Variants in MIB2 observed in about 807,000 individuals in gnomAD.
MIB2 encodes the protein MIB E3 ubiquitin protein ligase 2.
In MIB2, 78 loss-of-function variants were observed where a neutral mutation model predicts 96.6. That is an observed-to-expected ratio of 0.81 (90% CI 0.67 to 0.97). The LOEUF (loss-of-function observed/expected upper bound fraction) is 0.97, where lower values mean the gene tolerates loss of function less well. Ranked by LOEUF, MIB2 falls within the 50% of genes least tolerant of loss-of-function variation. The probability of loss-of-function intolerance (pLI) is 0.00; values close to 1 mark genes in which losing one functional copy is unlikely to be tolerated. For synonymous variants in MIB2, 820 were observed against 629.5 expected, an observed-to-expected ratio of 1.30 and a Z score of -4.53; for missense variants, 1,543 against 1,424.0, an observed-to-expected ratio of 1.08 and a Z score of -1.35.
In MIB2 at chr1:1,626,987, C is replaced by G; in HGVS notation, c.1228C>G (p.Arg410Gly). 1.2e-6 allele frequency: 2 copies of G among 1,611,296 alleles called. No individual in the cohort carries two copies. The highest frequency in any genetic ancestry group is 1.7e-4 in the Middle Eastern group (1 of 6,058). The change falls in exon 10 of 20, where the codon CGG becomes GGG. Residue 410 changes from arginine to glycine, a missense_variant. Arg to Gly is a moderately radical substitution (Grantham distance 125). Coordinates refer to ENST00000355826, the MANE Select transcript of MIB2 (RefSeq NM_001170687.4). This position sits in a 1 kb window ranked among gnomAD's most constrained non-coding sequence, Gnocchi z 5.3. Reference protein sequence around the residue: ...DANLDVAERARENKSSLSVAL... With the variant: ...DANLDVAERAGENKSSLSVAL... ...CAACCTGGACGTGGCCGAGCGCGCC[C>G]GGGAGAACAAAAGTGCGGCACAGCT...
At chr1:1,621,819 C>G (rs1286066059) in intron 2 of MIB2, among the ~76,000 whole-genome samples, 2 of 152,230 alleles carry the variant, frequency 1.3e-5, no homozygotes, top group African/African-American at 4.8e-5. Context: ...GGATCGGGAG[C>G]CCAGCCCTGC....
chr1:1,617,662 G>A (rs974326488), intron 2 of MIB2: 4 of 152,216 alleles, frequency 2.6e-5, no homozygotes, highest in African/African-American at 9.7e-5. Context: ...TGTGACCCAG[G>A]AAGTAGCAAT....
At position 1,626,692 on chromosome 1, in the gene MIB2, G is replaced by A. The variant is rs184093072; in HGVS notation, c.1015G>A (p.Asp339Asn). The change falls in exon 9 of 20, where the codon GAC becomes AAC. Residue 339 changes from aspartate to asparagine, a missense_variant. Transcript: ENST00000355826. This position sits in a 1 kb window ranked among gnomAD's most constrained non-coding sequence, Gnocchi z 5.3. Reference protein sequence around the residue: ...WVGDVVRVIGDLDTVKRLQAG... With the variant: ...WVGDVVRVIGNLDTVKRLQAG... ...GGGCGACGTGGTCCGGGTCATCGGC[G>A]ACCTTGACACAGTGAAGCGGCTGCA... The A allele has an allele frequency of 4.8e-5, 77 of 1,597,480 alleles. No homozygotes were observed. In the East Asian group the frequency reaches 1.3e-3, roughly 28 times the overall value.
rs978295144 is a variant in MIB2 at position 1,615,581 on chromosome 1, C to T, written c.-182C>T. 14 of 1,548,218 alleles carry T rather than the reference C, an allele frequency of 9.0e-6. No homozygotes were observed. In the African/African-American group the frequency reaches 1.2e-4, roughly 14 times the overall value. On this transcript the variant is annotated 5_prime_UTR_variant, in exon 1 of 20. Transcript: ENST00000355826. Reference sequence around the variant, plus strand: ...GAGGGCCTGGGAGCCCGAAGCCGTCCCCGAGTCGCTCCTAGGTCACTGGCG... The same window carrying T: ...GAGGGCCTGGGAGCCCGAAGCCGTCTCCGAGTCGCTCCTAGGTCACTGGCG...
In MIB2 at chr1:1,625,127, C is replaced by T. The variant is rs1557589043; in HGVS notation, c.663C>T (p.Leu221=). ...YRVGHKGKVD[L]KCVGEAAGGF... ...TGGGCCACAAGGGCAAGGTGGACCT[C>T]AAGTGTGTGGGCGAGGCAGCGGGCG... Residue 221 remains leucine, a synonymous_variant, in exon 6 of 20, where the codon CTC becomes CTT. Coordinates refer to ENST00000355826, the MANE Select transcript of MIB2 (RefSeq NM_001170687.4). This position sits in a 1 kb window ranked among gnomAD's most constrained non-coding sequence, Gnocchi z 5.0. The T allele has an allele frequency of 1.9e-6, 3 of 1,613,286 alleles. No individual in the cohort carries two copies. Among genetic ancestry groups the T allele is most frequent in the Non-Finnish European group, 2.5e-6 (3 of 1,179,896 alleles).
At position 1,626,754 on chromosome 1, in the gene MIB2, T is replaced by G; in HGVS notation, c.1077T>G (p.Pro359=). 6.3e-7 allele frequency: 1 copy of G among 1,584,748 alleles called. No homozygotes were observed. Residue 359 remains proline, a splice_region_variant and synonymous_variant, in exon 9 of 20, where the codon CCT becomes CCG. Coordinates refer to ENST00000355826, the MANE Select transcript of MIB2 (RefSeq NM_001170687.4). The surrounding 1 kb of genome is among the most constrained non-coding windows in gnomAD (Gnocchi z 5.3). ...GCGAGTGGACGGACGACATGGCCCCTGTGAGTCCCCCTGCCACCCCCGCCG... is the reference window on the plus strand; with the variant it reads ...GCGAGTGGACGGACGACATGGCCCCGGTGAGTCCCCCTGCCACCCCCGCCG... ...GHGEWTDDMA[P]ALGRVGKVVK...
At chr1:1,622,744 C>T (rs1417764868) in intron 2 of MIB2, among the ~76,000 whole-genome samples, 1 of 152,222 alleles carries the variant, frequency 6.6e-6, no homozygotes, top group Non-Finnish European at 1.5e-5. Flanking sequence ...GCCAGGGCCA[C>T]TTTTCCAGAG....
At chr1:1,615,696 C>T in intron 1 of MIB2, 63 bp downstream of exon 1, 2 of 1,519,226 alleles carry the variant, frequency 1.3e-6, no homozygotes, top group Non-Finnish European at 8.8e-7. Flanking sequence ...GTTCTCCGCT[C>T]TGGCAGAACG....
chr1:1,626,912 T>A lies in MIB2; in HGVS notation c.1153T>A (p.Trp385Arg), dbSNP rs1557601234. 1.2e-6 allele frequency: 2 copies of A among 1,608,782 alleles called. No homozygotes were observed. Among genetic ancestry groups the A allele is most frequent in the Non-Finnish European group, 1.7e-6 (2 of 1,179,420 alleles). ...NLRVAVAGQRWTFSPSCLVAY... is the reference protein window; with the variant it reads ...NLRVAVAGQRRTFSPSCLVAY... ...GCGTGTAGCAGTCGCTGGTCAGCGG[T>A]GGACCTTCAGCCCCTCCTGCCTGGT... is the stretch of plus-strand genomic sequence containing the variant. Residue 385 changes from tryptophan (W) to arginine (R), a missense_variant, in exon 10 of 20, where the codon TGG becomes AGG. Physicochemically the swap from Trp to Arg is moderately radical, Grantham distance 101. Coordinates refer to ENST00000355826, the MANE Select transcript of MIB2 (RefSeq NM_001170687.4). This position sits in a 1 kb window ranked among gnomAD's most constrained non-coding sequence, Gnocchi z 5.3.
At position 1,629,415 on chromosome 1, in the gene MIB2, G is replaced by A. The variant is rs1638263052; in HGVS notation, c.2412G>A (p.Pro804=). 1 of 1,331,066 alleles carries A rather than the reference G, an allele frequency of 7.5e-7. No individual in the cohort carries two copies. The highest frequency in any genetic ancestry group is 9.7e-7 in the Non-Finnish European group (1 of 1,031,444). 82.5% of individuals were successfully genotyped at this position (1,331,066 alleles called of 1,614,324 possible). A position where few individuals can be genotyped will look rare whatever the true frequency, so the allele number is the denominator to read the frequency against. Residue 804 remains proline (P), a synonymous_variant, in exon 18 of 20, where the codon CCG becomes CCA. Transcript: ENST00000355826. ...GGCAGGCGGGCGGGGGCGCGGCCCC[G>A]GGCCCCAGGCAAACGCTCGGGACCC... ...RERQAGGGAA[P]GPRQTLGTPN... is the part of the protein sequence containing the mutation.
intron 1 of MIB2, 75 bp from the exon 2 acceptor site, chr1:1,616,433 C>T (rs2100289494): frequency 8.9e-7 from 1 of 1,122,118 alleles, no homozygotes; most frequent in Non-Finnish European, 1.2e-6. Context: ...GGCGGGCAGC[C>T]CCGGGGGCAG....
In MIB2 at chr1:1,626,819, C is replaced by A; in HGVS notation, c.1078-18C>A. Reference sequence around the variant, plus strand: ...CCCCACACCTGCAGCCTGCTGTGACCCCCTCCCCTCCCCGCAGGCCCTGGG... The same window carrying A: ...CCCCACACCTGCAGCCTGCTGTGACACCCTCCCCTCCCCGCAGGCCCTGGG... On this transcript the variant is annotated intron_variant, in intron 9 of 19. Transcript: ENST00000355826. The surrounding 1 kb of genome is among the most constrained non-coding windows in gnomAD (Gnocchi z 5.3). The A allele has an allele frequency of 6.3e-7, 1 of 1,599,264 alleles. No individual in the cohort carries two copies. Among genetic ancestry groups the A allele is most frequent in the Non-Finnish European group, 8.5e-7 (1 of 1,177,712 alleles).
At chr1:1,616,338 C>T (rs906681573) in intron 1 of MIB2, 170 bp from the exon 2 acceptor site, 6 of 515,690 alleles carry the variant, frequency 1.2e-5, no homozygotes, top group African/African-American at 6.1e-5. Context: ...GCTGGCGGCT[C>T]CTGCGCGCTC....
chr1:1,626,813 T>G lies in MIB2; in HGVS notation c.1078-24T>G, dbSNP rs2100514607. Reference sequence around the variant, plus strand: ...GCTGCCCCCCACACCTGCAGCCTGCTGTGACCCCCTCCCCTCCCCGCAGGC... The same window carrying G: ...GCTGCCCCCCACACCTGCAGCCTGCGGTGACCCCCTCCCCTCCCCGCAGGC... On this transcript the variant is annotated intron_variant, in intron 9 of 19. Transcript: ENST00000355826. This position sits in a 1 kb window ranked among gnomAD's most constrained non-coding sequence, Gnocchi z 5.3. 1 of 1,595,324 alleles carries G rather than the reference T, an allele frequency of 6.3e-7. No homozygotes were observed. Among genetic ancestry groups the G allele is most frequent in the Middle Eastern group, 1.7e-4 (1 of 6,044 alleles).
upstream of MIB2, chr1:1,613,856 G>A (rs1643385036): frequency 6.6e-6 from 1 of 152,126 alleles, no homozygotes; most frequent in Non-Finnish European, 1.5e-5. Flanking sequence ...AGAAAAGCTC[G>A]AGATAAGAGC....
In MIB2 at chr1:1,629,496, G is replaced by C; in HGVS notation, c.2493G>C (p.Glu831Asp). 1 of 1,534,816 alleles carries C rather than the reference G, an allele frequency of 6.5e-7. No homozygotes were observed. Among genetic ancestry groups the C allele is most frequent in the Non-Finnish European group, 8.7e-7 (1 of 1,145,682 alleles). ...VGAAPGPEAA[E>D]CLVCSELALL... ...CCGCGCCGGGGCCCGAGGCCGCTGA[G>C]TGCCTGGTGTGCTCCGAGCTGGCGC... Residue 831 changes from glutamate (E) to aspartate (D), a missense_variant, in exon 18 of 20, where the codon GAG becomes GAC. Glu to Asp is a conservative substitution (Grantham distance 45, BLOSUM62 2). Transcript: ENST00000355826.
rs1644766733 is a variant in MIB2 at position 1,626,402 on chromosome 1, C to G, written c.973-248C>G. On this transcript the variant is annotated intron_variant, in intron 8 of 19. Transcript: ENST00000355826. The surrounding 1 kb of genome is among the most constrained non-coding windows in gnomAD (Gnocchi z 5.3). ...CCAGCCACCTCGGCTTCACACCTGC[C>G]CAGAGCTGGCTTCTGTCTGCCTGGA... The G allele has an allele frequency of 3.8e-6, 2 of 529,008 alleles. No homozygotes were observed. Among genetic ancestry groups the G allele is most frequent in the East Asian group, 6.2e-5 (2 of 32,294 alleles). 32.8% of individuals were successfully genotyped at this position (529,008 alleles called of 1,614,324 possible).
chr1:1,624,528 C>G (rs1644556834), intron 4 of MIB2, among the ~76,000 whole-genome samples: 1 of 152,206 alleles, frequency 6.6e-6, no homozygotes, highest in African/African-American at 2.4e-5. Context: ...GGCCCGGGTG[C>G]CTTCCCAGCC....
rs755551348 is a variant in MIB2 at position 1,626,751 on chromosome 1, C to T, written c.1074C>T (p.Ala358=). 2 of 1,585,524 alleles carry T rather than the reference C, an allele frequency of 1.3e-6. No individual in the cohort carries two copies. ...AGHGEWTDDM[A]PALGRVGKVV... is the part of the protein sequence containing the mutation. ...ATGGCGAGTGGACGGACGACATGGCCCCTGTGAGTCCCCCTGCCACCCCCG... is the reference window on the plus strand; with the variant it reads ...ATGGCGAGTGGACGGACGACATGGCTCCTGTGAGTCCCCCTGCCACCCCCG... The change falls in exon 9 of 20, where the codon GCC becomes GCT. Residue 358 remains alanine, a synonymous_variant. Transcript: ENST00000355826. This position sits in a 1 kb window ranked among gnomAD's most constrained non-coding sequence, Gnocchi z 5.3.
Sources: allele counts gnomAD v4.1 joint callset (sites outside exome capture counted in the v4.1 genomes callset), GRCh38; gene constraint gnomAD v4.1.1; non-coding constraint Gnocchi (gnomAD v3.1); transcripts MANE v1.5; gene names NCBI Gene and HGNC (gene_info 2026-07-23, HGNC 2026-07-21).